PROM1: variants seen among roughly 807,000 people sequenced by gnomAD.
PROM1 encodes the protein prominin 1.
A neutral mutation model predicts 116.9 loss-of-function variants in PROM1; 105 were observed. The observed-to-expected ratio is 0.90, with a 90% CI of 0.77 to 1.06. The LOEUF is 1.06. PROM1 is among the 50% of genes least tolerant of loss of function. The pLI is 0.00. For synonymous variants in PROM1, 393 were observed against 387.0 expected, an observed-to-expected ratio of 1.02 and a Z score of -0.18; for missense variants, 1,122 against 1,045.2, an observed-to-expected ratio of 1.07 and a Z score of -1.01.
chr4:16,075,787 A>C lies in PROM1; in HGVS notation c.120T>G (p.Asn40Lys). The change falls in exon 2 of 28, where the codon AAT becomes AAG. Residue 40 changes from asparagine (N) to lysine (K), a missense_variant. Asn to Lys is a moderately conservative substitution (Grantham distance 94). Coordinates refer to ENST00000447510, the MANE Select transcript of PROM1 (RefSeq NM_006017.3). ...KAWNYELPAT[N>K]YETQDSHKAG... ...CTTTATGGGAGTCTTGGGTCTCATA[A>C]TTTGTTGCAGGCAATTCATAATTCC... 1 of 1,613,798 alleles carries C rather than the reference A, an allele frequency of 6.2e-7. No individual in the cohort carries two copies. Among genetic ancestry groups the C allele is most frequent in the Non-Finnish European group, 8.5e-7 (1 of 1,179,848 alleles).
intron 15 of PROM1, among the ~76,000 whole-genome samples, chr4:15,994,867 C>G (rs1403368880): frequency 6.6e-6 from 1 of 152,124 alleles, no homozygotes; most frequent in Non-Finnish European, 1.5e-5. Context: ...ATCCTTCCCT[C>G]CAGAGAACAA....
At chr4:16,013,760 G>A (rs1391675954) in intron 10 of PROM1, among the ~76,000 whole-genome samples, 1 of 152,032 alleles carries the variant, frequency 6.6e-6, no homozygotes, top group Non-Finnish European at 1.5e-5. Context: ...GAGATGCCAG[G>A]GATGCTAATA....
chr4:16,040,631 A>G (rs1167186690), intron 2 of PROM1, among the ~76,000 whole-genome samples: 4 of 152,248 alleles, frequency 2.6e-5, no homozygotes, highest in Non-Finnish European at 5.9e-5. Context: ...CTGTGTGTCT[A>G]ATCTTAGGTG....
intron 2 of PROM1, among the ~76,000 whole-genome samples, chr4:16,058,483 A>G (rs2149498589): frequency 1.3e-5 from 2 of 152,202 alleles, no homozygotes; most frequent in East Asian, 3.9e-4. Context: ...CCCCATCTCT[A>G]CAGAAATACA....
Position 16,013,341 on chromosome 4 carries a change from G to GAAA in PROM1, c.1078-6_1078-4dup, listed in dbSNP as rs768705739. ...ATATCATTAAGGGATTGATAGCCCTGAAAAATATTTCAAAATAAAAGGATG... is the reference window on the plus strand; with the variant it reads ...ATATCATTAAGGGATTGATAGCCCTGAAAAAAAATATTTCAAAATAAAAGGATG... On this transcript the variant is annotated splice_region_variant and splice_polypyrimidine_tract_variant and intron_variant, in intron 10 of 27. Transcript: ENST00000447510. 4 of 1,595,838 alleles carry GAAA rather than the reference G, an allele frequency of 2.5e-6. No individual in the cohort carries two copies. Among genetic ancestry groups the GAAA allele is most frequent in the Non-Finnish European group, 3.4e-6 (4 of 1,163,578 alleles).
intron 1 of PROM1, chr4:16,079,842 T>A (rs557119643): frequency 1.3e-5 from 2 of 151,832 alleles, no homozygotes; most frequent in African/African-American, 2.4e-5. Context: ...AAATAACACA[T>A]GTAAGGTGAA....
chr4:15,988,432 C>G (rs9991791), intron 19 of PROM1, among the ~76,000 whole-genome samples: 99,165 of 152,088 alleles, frequency 0.65, 32,669 homozygotes, highest in Non-Finnish European at 0.7. Flanking sequence ...TTTTATCTGC[C>G]ATAGTCCCAA....
At chr4:16,005,377 T>TA (rs1333840842) in intron 13 of PROM1, among the ~76,000 whole-genome samples, 7 of 152,172 alleles carry the variant, frequency 4.6e-5, no homozygotes, top group Non-Finnish European at 8.8e-5. Flanking sequence ...TTTACGACTC[T>TA]AGTTTGTAAA....
At chr4:15,969,936 TTTTGTTTG>T (rs747045487) in intron 27 of PROM1, among the ~76,000 whole-genome samples, 17 of 152,064 alleles carry the variant, frequency 1.1e-4, no homozygotes, top group South Asian at 4.2e-4. Context: ...ATTTCTATAT[TTTTGTTTG>T]TTTGTTTGTT....
rs1477543028 is a variant in PROM1 at position 15,979,937 on chromosome 4, T to C, written c.2490-33A>G. 3.9e-6 allele frequency: 5 copies of C among 1,266,124 alleles called. No individual in the cohort carries two copies. In the African/African-American group the frequency reaches 6.1e-5, roughly 15 times the overall value. 78.4% of individuals were successfully genotyped at this position (1,266,124 alleles called of 1,614,324 possible). ...ATACAAAAAAGGGAGATAAAATTAATTTTTTTAATTATTATGAAAGCTCAG... is the reference window on the plus strand; with the variant it reads ...ATACAAAAAAGGGAGATAAAATTAACTTTTTTAATTATTATGAAAGCTCAG... On this transcript the variant is annotated intron_variant, in intron 24 of 27. Transcript: ENST00000447510.
intron 2 of PROM1, among the ~76,000 whole-genome samples, chr4:16,039,764 C>T (rs1734771493): frequency 1.3e-5 from 2 of 151,806 alleles, no homozygotes; most frequent in Non-Finnish European, 2.9e-5. Flanking sequence ...CATGGGAAAT[C>T]CTTCTCTTCC....
At chr4:16,067,883 C>T (rs1286351873) in intron 2 of PROM1, among the ~76,000 whole-genome samples, 8 of 152,080 alleles carry the variant, frequency 5.3e-5, no homozygotes, top group Non-Finnish European at 8.8e-5. Flanking sequence ...AATGGCTCCA[C>T]GGTTTATGAT....
Position 15,973,772 on chromosome 4 carries a change from C to T in PROM1, c.2583-2690G>A, listed in dbSNP as rs566709794. Among the ~76,000 whole-genome samples, 8 of 152,206 alleles carry T rather than the reference C, an allele frequency of 5.3e-5. No individual in the cohort carries two copies. The East Asian group carries it at 1.4e-3, about 26-fold the overall frequency. ...TGGGAACTTTTCTTTGCCCACCTGC[C>T]TTTGGGAGAATAGGAGAAATAGCTC... is the stretch of plus-strand genomic sequence containing the variant. On this transcript the variant is annotated intron_variant, in intron 26 of 27. Transcript: ENST00000447510.
intron 16 of PROM1, 61 bp from the exon 17 acceptor site, chr4:15,992,452 G>C: frequency 6.4e-7 from 1 of 1,556,888 alleles, no homozygotes; most frequent in Non-Finnish European, 8.8e-7. Flanking sequence ...CAAACCAAAT[G>C]CTTTAAAAGA....
intron 2 of PROM1, among the ~76,000 whole-genome samples, chr4:16,059,219 G>T (rs1170741296): frequency 1.3e-5 from 2 of 152,140 alleles, no homozygotes; most frequent in Non-Finnish European, 2.9e-5. Context: ...TTCCTGCTCT[G>T]CCCACTCACA....
At chr4:15,976,004 A>C (rs1426089195) in intron 26 of PROM1, among the ~76,000 whole-genome samples, 23 of 152,192 alleles carry the variant, frequency 1.5e-4, no homozygotes, top group Non-Finnish European at 2.9e-5. Context: ...TGTGCTGTGG[A>C]CCGTTAAGGA....
intron 7 of PROM1, 112 bp downstream of exon 7, chr4:16,024,183 C>T (rs1198099166): frequency 1.5e-5 from 14 of 943,590 alleles, no homozygotes; most frequent in East Asian, 2.6e-5. Flanking sequence ...GCTAGGGAAT[C>T]ATCTTTCTGT....
At chr4:16,050,564 G>A (rs930166495) in intron 2 of PROM1, among the ~76,000 whole-genome samples, 3 of 152,068 alleles carry the variant, frequency 2.0e-5, no homozygotes, top group Non-Finnish European at 2.9e-5. Context: ...ATGTTGCCCG[G>A]GGTGGTCTCG....
chr4:15,994,102 A>G (rs768928555), intron 15 of PROM1, 31 bp from the exon 16 acceptor site: 1 of 1,613,090 alleles, frequency 6.2e-7, no homozygotes, highest in Non-Finnish European at 8.5e-7. Context: ...ATTAGGACCT[A>G]GAAAAGCTGT....
Sources: gnomAD v4.1 joint callset for allele counts (sites outside exome capture counted in the v4.1 genomes callset) on GRCh38, gnomAD v4.1.1 for gene constraint, MANE v1.5 for transcripts, NCBI Gene and HGNC (gene_info 2026-07-23, HGNC 2026-07-21) for gene names.